TIMP4: variants seen among roughly 807,000 people sequenced by gnomAD.
TIMP4 encodes metalloproteinase inhibitor 4.
TIMP4 carries 28 observed loss-of-function variants against 27.3 expected under a neutral mutation model. That is an observed-to-expected ratio of 1.03 (90% CI 0.76 to 1.41). The LOEUF (loss-of-function observed/expected upper bound fraction) is 1.41, where lower values mean the gene tolerates loss of function less well. TIMP4 is among the 40% of genes most tolerant of loss of function. The probability of loss-of-function intolerance (pLI) is 0.00; values close to 1 mark genes in which losing one functional copy is unlikely to be tolerated. For synonymous variants in TIMP4, 138 were observed against 115.5 expected (o/e 1.20, Z -1.25); for missense variants, 307 against 285.5 (o/e 1.08, Z -0.54).
chr3:12,156,399 A>G (rs957749022), intron 3 of TIMP4, among the ~76,000 whole-genome samples: 11 of 152,230 alleles, frequency 7.2e-5, no homozygotes, highest in African/African-American at 2.7e-4. Context: ...CCTGGGCCCA[A>G]GTTCACAGAG....
At position 12,158,739 on chromosome 3, in the gene TIMP4, C is replaced by T. The variant is rs374752197; in HGVS notation, c.102G>A (p.Pro34=). The change falls in exon 1 of 5, where the codon CCG becomes CCA. Residue 34 remains proline (P), a synonymous_variant. Coordinates refer to ENST00000287814, the MANE Select transcript of TIMP4 (RefSeq NM_003256.4). ...PGLGEACSCA[P]AHPQQHICHS... ...GGCAGATGTGCTGCTGAGGGTGCGC[C>T]GGGGCGCAGCTGCATGCCTCACCCA... 33 of 1,609,170 alleles carry T rather than the reference C, an allele frequency of 2.1e-5. No individual in the cohort carries two copies. Among genetic ancestry groups the T allele is most frequent in the Middle Eastern group, 1.6e-4 (1 of 6,082 alleles).
In TIMP4 at chr3:12,153,363, T is replaced by C; in HGVS notation, c.*152A>G. ...GGCAGGGCAGAAAAGTCATGGCCCC[T>C]TCCCTGCCTTGACAGTGGCCAGACT... On this transcript the variant is annotated 3_prime_UTR_variant, in exon 5 of 5. Coordinates refer to ENST00000287814, the MANE Select transcript of TIMP4 (RefSeq NM_003256.4). 1.1e-6 allele frequency: 1 copy of C among 892,652 alleles called. No individual in the cohort carries two copies. Among genetic ancestry groups the C allele is most frequent in the Non-Finnish European group, 1.8e-6 (1 of 560,846 alleles). 55.3% of individuals were successfully genotyped at this position (892,652 alleles called of 1,614,324 possible).
chr3:12,158,870 A>G lies in TIMP4; in HGVS notation c.-30T>C, dbSNP rs754369059. 6.5e-7 allele frequency: 1 copy of G among 1,530,448 alleles called. No individual in the cohort carries two copies. The highest frequency in any genetic ancestry group is 8.8e-7 in the Non-Finnish European group (1 of 1,142,282). 94.8% of individuals were successfully genotyped at this position (1,530,448 alleles called of 1,614,324 possible). ...CTGCAGATCCGCGACTGAGCCTGTG[A>G]GGTCTGGGGGACTGGACGGCCCCAG... On this transcript the variant is annotated 5_prime_UTR_variant, in exon 1 of 5. Transcript: ENST00000287814.
At chr3:12,158,634 T>G in intron 1 of TIMP4, 68 bp downstream of exon 1, 1 of 1,589,886 alleles carries the variant, frequency 6.3e-7, no homozygotes, top group South Asian at 1.1e-5. Flanking sequence ...ACTCCTGGTG[T>G]ACTGCTGGCC....
Position 12,157,409 on chromosome 3 carries a change from G to T in TIMP4, c.213C>A (p.Leu71=), listed in dbSNP as rs557105001. 6.2e-7 allele frequency: 1 copy of T among 1,614,130 alleles called. No individual in the cohort carries two copies. Among genetic ancestry groups the T allele is most frequent in the South Asian group, 1.1e-5 (1 of 91,078 alleles). ...CCTTTATCTGTTTGATTTCATACCGGAGCATTTTTTCAGTGTCAGCAGGGT... is the reference window on the plus strand; with the variant it reads ...CCTTTATCTGTTTGATTTCATACCGTAGCATTTTTTCAGTGTCAGCAGGGT... ...SADPADTEKM[L]RYEIKQIKMF... The change falls in exon 2 of 5, where the codon CTC becomes CTA. Residue 71 remains leucine (L), a synonymous_variant. Coordinates refer to ENST00000287814, the MANE Select transcript of TIMP4 (RefSeq NM_003256.4).
intron 4 of TIMP4, 120 bp downstream of exon 4, chr3:12,154,207 C>G: frequency 4.2e-6 from 6 of 1,445,198 alleles, no homozygotes; most frequent in Non-Finnish European, 5.7e-6. Context: ...CTTTCTCATC[C>G]CCAACTTCAT....
chr3:12,158,732 G>A lies in TIMP4; in HGVS notation c.109C>T (p.Pro37Ser). The change falls in exon 1 of 5, where the codon CCT (proline) becomes TCT (serine). Residue 37 changes from proline to serine, a missense_variant. Coordinates refer to ENST00000287814, the MANE Select transcript of TIMP4 (RefSeq NM_003256.4). The part of the protein sequence containing the change: ...GEACSCAPAH[P>S]QQHICHSALV... ...GCCGAGTGGCAGATGTGCTGCTGAG[G>A]GTGCGCCGGGGCGCAGCTGCATGCC... The A allele has an allele frequency of 6.2e-7, 1 of 1,609,698 alleles. No individual in the cohort carries two copies. Among genetic ancestry groups the A allele is most frequent in the Non-Finnish European group, 8.5e-7 (1 of 1,179,708 alleles).
chr3:12,153,136 C>T lies in TIMP4; in HGVS notation c.*379G>A, dbSNP rs1056766225. 4 of 305,266 alleles carry T rather than the reference C, an allele frequency of 1.3e-5. No homozygotes were observed. The highest frequency in any genetic ancestry group is 1.9e-5 in the Non-Finnish European group (3 of 155,226). The allele number at this position is 305,266 out of a possible 1,614,324, so 18.9% of individuals were successfully genotyped here. ...CAAACCACCTTCTGATACTGTACAT[C>T]GCAAGGATATACCATCTCATGTGTA... is the stretch of plus-strand genomic sequence containing the variant. On this transcript the variant is annotated 3_prime_UTR_variant, in exon 5 of 5. Transcript: ENST00000287814.
chr3:12,157,240 C>G (rs111671915), intron 2 of TIMP4, 145 bp downstream of exon 2: 4 of 762,180 alleles, frequency 5.2e-6, no homozygotes, highest in African/African-American at 5.2e-5. Context: ...GGCTCTGCCT[C>G]CAAATCTCAT....
chr3:12,157,073 A>G, intron 2 of TIMP4, 139 bp from the exon 3 acceptor site: 2 of 654,744 alleles, frequency 3.1e-6, no homozygotes, highest in South Asian at 2.0e-5. Context: ...AGATGTCCCT[A>G]CTGGGTTATT....
intron 1 of TIMP4, 151 bp from the exon 2 acceptor site, chr3:12,157,633 G>A (rs937450163): frequency 7.3e-6 from 5 of 688,150 alleles, no homozygotes; most frequent in Non-Finnish European, 1.3e-5. Context: ...GTGAGAAGGG[G>A]GACCTGGAAA....
At chr3:12,156,280 C>T (rs998237221) in intron 3 of TIMP4, among the ~76,000 whole-genome samples, 2 of 152,182 alleles carry the variant, frequency 1.3e-5, no homozygotes, top group African/African-American at 4.8e-5. Context: ...CAAATAGTTC[C>T]GTTCTCTGAA....
At position 12,156,923 on chromosome 3, in the gene TIMP4, C is replaced by T; in HGVS notation, c.249G>A (p.Gly83=). ...YEIKQIKMFK[G]FEKVKDVQYI... is the part of the protein sequence containing the mutation. ...ACTGAACATCCTTGACTTTCTCAAA[C>T]CCTTTGAACATCTGACAGGCAATTA... Residue 83 remains glycine, a synonymous_variant, in exon 3 of 5, where the codon GGG becomes GGA. Transcript: ENST00000287814. 1.2e-6 allele frequency: 2 copies of T among 1,613,636 alleles called. No individual in the cohort carries two copies. The highest frequency in any genetic ancestry group is 1.7e-6 in the Non-Finnish European group (2 of 1,179,592).
chr3:12,156,952 A>G lies in TIMP4; in HGVS notation c.238-18T>C. ...TTGAACATCTGACAGGCAATTACAAAAAAAGGCAATATTGGGTCAGTGAGT... is the reference window on the plus strand; with the variant it reads ...TTGAACATCTGACAGGCAATTACAAGAAAAGGCAATATTGGGTCAGTGAGT... On this transcript the variant is annotated intron_variant, in intron 2 of 4. Transcript: ENST00000287814. The G allele has an allele frequency of 6.3e-7, 1 of 1,588,428 alleles. No homozygotes were observed. The highest frequency in any genetic ancestry group is 8.6e-7 in the Non-Finnish European group (1 of 1,156,782).
chr3:12,153,886 C>T (rs1169943750), intron 4 of TIMP4, among the ~76,000 whole-genome samples, 174 bp from the exon 5 acceptor site: 1 of 152,182 alleles, frequency 6.6e-6, no homozygotes, highest in East Asian at 1.9e-4. Context: ...TCCCCATATT[C>T]AATATTGCCA....
intron 1 of TIMP4, among the ~76,000 whole-genome samples, chr3:12,158,380 C>T (rs1401106568): frequency 6.6e-6 from 1 of 152,220 alleles, no homozygotes; most frequent in African/African-American, 2.4e-5. Context: ...TTTCTGTCCC[C>T]AGTCTAGTAG....
At position 12,153,154 on chromosome 3, in the gene TIMP4, C is replaced by T. The variant is rs570283785; in HGVS notation, c.*361G>A. 3.7e-4 allele frequency: 129 copies of T among 349,410 alleles called. No individual in the cohort carries two copies. The highest frequency in any genetic ancestry group is 2.6e-3 in the African/African-American group (127 of 48,102). 21.6% of individuals were successfully genotyped at this position (349,410 alleles called of 1,614,324 possible). A position where few individuals can be genotyped will look rare whatever the true frequency, so the allele number is the denominator to read the frequency against. On this transcript the variant is annotated 3_prime_UTR_variant, in exon 5 of 5. Transcript: ENST00000287814. The stretch of plus-strand genomic sequence containing the variant: ...TGTACATCGCAAGGATATACCATCT[C>T]ATGTGTATGACATTCGCCATTTCTC...
At chr3:12,158,629 T>C (rs1697533577) in intron 1 of TIMP4, 73 bp downstream of exon 1, 2 of 1,584,486 alleles carry the variant, frequency 1.3e-6, no homozygotes, top group East Asian at 4.5e-5. Flanking sequence ...TCTGGACTCC[T>C]GGTGTACTGC....
Position 12,157,493 on chromosome 3 carries a change from A to G in TIMP4, c.140-11T>C. On this transcript the variant is annotated splice_polypyrimidine_tract_variant and intron_variant, in intron 1 of 4. Transcript: ENST00000287814. The stretch of plus-strand genomic sequence containing the variant: ...TTTTGGCCCGAATCACTGCATAGGA[A>G]GAGAAAAGAGGGAACCTTCAGCAGC... 3 of 1,613,894 alleles carry G rather than the reference A, an allele frequency of 1.9e-6. No homozygotes were observed. Among genetic ancestry groups the G allele is most frequent in the Non-Finnish European group, 2.5e-6 (3 of 1,179,814 alleles).
Sources: allele counts gnomAD v4.1 joint callset (sites outside exome capture counted in the v4.1 genomes callset), GRCh38; gene constraint gnomAD v4.1.1; transcripts MANE v1.5; gene names NCBI Gene and HGNC (gene_info 2026-07-23, HGNC 2026-07-21).